TUBGCP3: variants seen among roughly 807,000 people sequenced by gnomAD.
TUBGCP3 encodes the protein gamma-tubulin complex component 3.
TUBGCP3 carries 50 observed loss-of-function variants against 123.1 expected under a neutral mutation model. The ratio of observed to expected loss-of-function variants is 0.41; its 90% CI spans 0.32 to 0.51. TUBGCP3 has a LOEUF of 0.51. Among genes scored for constraint, TUBGCP3 ranks in the 20% least tolerant of loss-of-function variants. TUBGCP3 has a pLI of 0.36. For missense variants in TUBGCP3, 882 were observed against 1,127.0 expected (o/e 0.78, Z 3.11); for synonymous variants, 405 against 413.9 (o/e 0.98, Z 0.26).
chr13:112,496,834 A>C (rs1463778302), intron 20 of TUBGCP3, among the ~76,000 whole-genome samples: 1 of 152,052 alleles, frequency 6.6e-6, no homozygotes, highest in African/African-American at 2.4e-5. Flanking sequence ...AAAATACAAA[A>C]AATTAGCCGG....
chr13:112,554,271 A>G (rs1285904867), intron 7 of TUBGCP3, 89 bp from the exon 8 acceptor site: 1 of 1,448,402 alleles, frequency 6.9e-7, no homozygotes, highest in Non-Finnish European at 9.4e-7. Flanking sequence ...TACTTTTAAT[A>G]CTATAATCCT....
At chr13:112,503,881 T>C in intron 19 of TUBGCP3, 151 bp downstream of exon 19, 1 of 990,882 alleles carries the variant, frequency 1.0e-6, no homozygotes, top group Non-Finnish European at 1.4e-6. Flanking sequence ...TCAGAAACTG[T>C]ACCTTCAACA....
rs2139252162 is a variant in TUBGCP3, at chr13:112,563,826, G to A, written c.252+1285C>T. Among the ~76,000 whole-genome samples the A allele has an allele frequency of 1.3e-5, 2 of 151,438 alleles. 1 individual carries two copies. Among genetic ancestry groups the A allele is most frequent in the South Asian group, 4.2e-4 (2 of 4,802 alleles). Reference sequence around the variant, plus strand: ...GAAGGCAGAGCTTGCAGTGAGCCCAGATTGCGCCACTGCACTCCAGCCTGG... The same window carrying A: ...GAAGGCAGAGCTTGCAGTGAGCCCAAATTGCGCCACTGCACTCCAGCCTGG... On this transcript the variant is annotated intron_variant, in intron 3 of 21. Transcript: ENST00000261965.
the TUBGCP3 span, among the ~76,000 whole-genome samples, chr13:112,596,522 AT>A: frequency 7.3e-5 from 11 of 151,366 alleles, no homozygotes; most frequent in African/African-American, 2.2e-4. Context: ...TGTTTTCAAT[AT>A]TTTTTTTTCT....
At chr13:112,499,442 C>T (rs1283755467) in intron 19 of TUBGCP3, among the ~76,000 whole-genome samples, 2 of 152,158 alleles carry the variant, frequency 1.3e-5, no homozygotes, top group African/African-American at 4.8e-5. Flanking sequence ...TGCCCAAGTC[C>T]CACGGCGGGC....
At chr13:112,518,953 A>C in intron 16 of TUBGCP3, 22 bp downstream of exon 16, 1 of 1,605,064 alleles carries the variant, frequency 6.2e-7, no homozygotes, top group Non-Finnish European at 8.5e-7. Flanking sequence ...AAATACTATA[A>C]AATGATGCAG....
rs35550857 is a variant in TUBGCP3 at position 112,512,427 on chromosome 13, C to CAAA, written c.2086+4010_2086+4012dup. Reference sequence around the variant, plus strand: ...TGGGCGACAGAGCAAGACTCTGTCTCAAAAAAAAAAAAAAAAAAAAAAAGG... The same window carrying CAAA: ...TGGGCGACAGAGCAAGACTCTGTCTCAAAAAAAAAAAAAAAAAAAAAAAAAAGG... On this transcript the variant is annotated intron_variant, in intron 17 of 21. Transcript: ENST00000261965. 9.9e-4 allele frequency among the ~76,000 whole-genome samples: 39 copies of CAAA among 39,384 alleles called. 1 individual carries two copies. The highest frequency in any genetic ancestry group is 2.8e-3 in the African/African-American group (30 of 10,658). 25.8% of individuals were successfully genotyped at this position (39,384 alleles called of 152,430 possible).
At chr13:112,558,105 ACTGTGGGTGAAC>A (rs1168066790) in intron 5 of TUBGCP3, 79 bp downstream of exon 5, 1 of 1,366,442 alleles carries the variant, frequency 7.3e-7, no homozygotes, top group Non-Finnish European at 9.9e-7. Flanking sequence ...CCCCACTGAT[ACTGTGGGTGAAC>A]ATCAATGTCT....
intron 5 of TUBGCP3, among the ~76,000 whole-genome samples, chr13:112,557,839 A>C (rs1382304084): frequency 6.6e-6 from 1 of 152,242 alleles, no homozygotes; most frequent in Non-Finnish European, 1.5e-5. Flanking sequence ...AGAAAAACAT[A>C]CATCAATGAA....
chr13:112,577,754 A>T (rs894815924), intron 1 of TUBGCP3, among the ~76,000 whole-genome samples: 1 of 152,160 alleles, frequency 6.6e-6, no homozygotes, highest in Non-Finnish European at 1.5e-5. Flanking sequence ...AAAATAAAAC[A>T]TTTTTTTAAA....
chr13:112,578,376 G>A (rs1373238259), intron 1 of TUBGCP3, among the ~76,000 whole-genome samples: 1 of 150,806 alleles, frequency 6.6e-6, no homozygotes, highest in East Asian at 1.9e-4. Flanking sequence ...TGGCTAACAC[G>A]GTGAAACCCC....
At chr13:112,491,215 A>G (rs1413066416) in intron 20 of TUBGCP3, among the ~76,000 whole-genome samples, 2 of 152,006 alleles carry the variant, frequency 1.3e-5, no homozygotes, top group African/African-American at 4.8e-5. Context: ...TGCTTTTCCA[A>G]CTTTTTGAGT....
At position 112,543,801 on chromosome 13, in the gene TUBGCP3, G is replaced by C. The variant is rs543055870; in HGVS notation, c.1335+1898C>G. Among the ~76,000 whole-genome samples, 5 of 152,166 alleles carry C rather than the reference G, an allele frequency of 3.3e-5. No homozygotes were observed. The South Asian group carries it at 1.0e-3, about 32-fold the overall frequency. On this transcript the variant is annotated intron_variant, in intron 11 of 21. Coordinates refer to ENST00000261965, the MANE Select transcript of TUBGCP3 (RefSeq NM_006322.6). ...AGTTAAAAGATATAATTTTTTAAAA[G>C]AGCAATTCCATATATAAAAATTTGA...
chr13:112,493,647 T>C (rs1296254), intron 20 of TUBGCP3, among the ~76,000 whole-genome samples: 128,499 of 132,296 alleles, frequency 0.97, 62,399 homozygotes, highest in East Asian at 0.99. Flanking sequence ...GTCCCTGAGA[T>C]GCTCTGGCTA....
In TUBGCP3 at chr13:112,521,762, T is replaced by C. The variant is rs537549675; in HGVS notation, c.1745+558A>G. On this transcript the variant is annotated intron_variant, in intron 14 of 21. Coordinates refer to ENST00000261965, the MANE Select transcript of TUBGCP3 (RefSeq NM_006322.6). ...AGGCTGTGGACCCCTGGGATGCTCA[T>C]GCCCAGGCTCACGCTGCCTGGGCCG... The C allele has an allele frequency of 1.1e-5, 11 of 985,394 alleles. No homozygotes were observed. The African/African-American group carries it at 1.9e-4, about 17-fold the overall frequency. The allele number at this position is 985,394 out of a possible 1,614,324, so 61.0% of individuals were successfully genotyped here.
the TUBGCP3 span, among the ~76,000 whole-genome samples, chr13:112,599,985 G>A: frequency 6.6e-6 from 1 of 152,158 alleles, no homozygotes; most frequent in African/African-American, 2.4e-5. Flanking sequence ...CACAGTGAAT[G>A]GACCAATATT....
At chr13:112,515,346 C>T (rs1051709448) in intron 17 of TUBGCP3, among the ~76,000 whole-genome samples, 6 of 152,082 alleles carry the variant, frequency 3.9e-5, no homozygotes, top group Admixed American at 3.3e-4. Flanking sequence ...GATGCTGCCT[C>T]GTGAAGGGGG....
chr13:112,540,109 A>G (rs59158108), intron 11 of TUBGCP3, among the ~76,000 whole-genome samples: 14 of 139,292 alleles, frequency 1.0e-4, no homozygotes, highest in African/African-American at 2.6e-4. Flanking sequence ...GAGCATTCAG[A>G]TGATCTTGGG....
rs775475675 is a variant in TUBGCP3 at position 112,504,712 on chromosome 13, A to G, written c.2089T>C (p.Phe697Leu). ...TGACACTGGTGCAGCACCCCGGAGA[A>G]CTCTGCAAGGGAAGAGTTGACGTCA... ...NAKLLRNMPE[F>L]SGVLHQCHIL... Residue 697 changes from phenylalanine to leucine, a missense_variant and splice_region_variant, in exon 18 of 22, where the codon TTC (phenylalanine) becomes CTC (leucine). Around this residue, in one of 3 missense-constraint regions of TUBGCP3, gnomAD observed 713 missense variants for 874.0 expected, o/e 0.82. Coordinates refer to ENST00000261965, the MANE Select transcript of TUBGCP3 (RefSeq NM_006322.6). 6.2e-7 allele frequency: 1 copy of G among 1,612,996 alleles called. No individual in the cohort carries two copies. The highest frequency in any genetic ancestry group is 8.5e-7 in the Non-Finnish European group (1 of 1,179,350).
Sources: allele counts gnomAD v4.1 joint callset (sites outside exome capture counted in the v4.1 genomes callset), GRCh38; gene constraint gnomAD v4.1.1; regional missense constraint gnomAD v4.1.1; transcripts MANE v1.5; gene names NCBI Gene and HGNC (gene_info 2026-07-23, HGNC 2026-07-21).